GTPBP1: variants seen among roughly 807,000 people sequenced by gnomAD.
GTPBP1 encodes GTP binding protein 1.
A neutral mutation model predicts 62.0 loss-of-function variants in GTPBP1; 23 were observed. The observed-to-expected ratio is 0.37, with a 90% confidence interval of 0.27 to 0.53. The LOEUF is 0.53. Ranked by LOEUF, GTPBP1 falls within the 20% of genes least tolerant of loss-of-function variation. GTPBP1 has a pLI of 0.89. For missense variants in GTPBP1, 640 were observed against 917.3 expected (o/e 0.70, Z 3.90); for synonymous variants, 344 against 364.4 (o/e 0.94, Z 0.64).
chr22:38,719,681 C>G (rs1047700490), intron 4 of GTPBP1, among the ~76,000 whole-genome samples: 20 of 151,512 alleles, frequency 1.3e-4, no homozygotes, highest in African/African-American at 4.6e-4. Flanking sequence ...GTCTTCATCC[C>G]AGACAAAGTC....
rs987312491 is a variant in GTPBP1, at chr22:38,731,596, C to T, written c.*892C>T. On this transcript the variant is annotated 3_prime_UTR_variant, in exon 12 of 12. Coordinates refer to ENST00000216044, the MANE Select transcript of GTPBP1 (RefSeq NM_004286.5). The stretch of plus-strand genomic sequence containing the variant: ...GCCCGGCCTGGAGCCTCCCATCACC[C>T]CGCTTCTTGTTGGGCCTCAGGCACT... 4.7e-4 allele frequency: 72 copies of T among 152,764 alleles called. No homozygotes were observed. The highest frequency in any genetic ancestry group is 1.6e-3 in the African/African-American group (68 of 41,468). 9.5% of individuals were successfully genotyped at this position (152,764 alleles called of 1,614,324 possible). A position where few individuals can be genotyped will look rare whatever the true frequency, so the allele number is the denominator to read the frequency against.
downstream of GTPBP1, chr22:38,739,214 C>A: frequency 9.0e-7 from 1 of 1,111,852 alleles, no homozygotes; most frequent in Non-Finnish European, 1.4e-6. The surrounding 1 kb of genome is among the most constrained non-coding windows in gnomAD (Gnocchi z 6.7). Flanking sequence ...GTCATGGGTA[C>A]TAGGTTGGGT....
chr22:38,716,017 G>A lies in GTPBP1; in HGVS notation c.415G>A (p.Glu139Lys). The change falls in exon 3 of 12, where the codon GAA becomes AAA. Residue 139 changes from glutamate to lysine, a missense_variant. Transcript: ENST00000216044. The surrounding 1 kb of genome is among the most constrained non-coding windows in gnomAD (Gnocchi z 5.2). Reference protein sequence around the residue: ...ADVILLRERQEAGGRVRDYLV... With the variant: ...ADVILLRERQKAGGRVRDYLV... ...TGTCATCCTTCTGCGGGAACGGCAA[G>A]AAGCTGGGGGCCGCGTGCGTGATTA... 1 of 1,614,108 alleles carries A rather than the reference G, an allele frequency of 6.2e-7. No homozygotes were observed. The highest frequency in any genetic ancestry group is 1.1e-5 in the South Asian group (1 of 91,084).
intron 2 of GTPBP1, among the ~76,000 whole-genome samples, chr22:38,710,383 G>A (rs2092631230): frequency 6.6e-6 from 1 of 152,208 alleles, no homozygotes; most frequent in African/African-American, 2.4e-5. Context: ...AATGTTGTAA[G>A]AGTGACATAA....
intron 1 of GTPBP1, 92 bp downstream of exon 1, chr22:38,706,239 C>T (rs1211934069): frequency 1.2e-6 from 1 of 824,440 alleles, no homozygotes; most frequent in Non-Finnish European, 1.6e-6. Flanking sequence ...GCCGCCCTGT[C>T]CGCGGGGAGC....
chr22:38,741,421 A>C, downstream of GTPBP1: 6 of 1,470,010 alleles, frequency 4.1e-6, no homozygotes, highest in Non-Finnish European at 5.7e-6. Context: ...GGAAGGGCCG[A>C]GGGGTCCGAG....
downstream of GTPBP1, among the ~76,000 whole-genome samples, chr22:38,737,247 A>G (rs186695180): frequency 3.6e-4 from 55 of 152,014 alleles, no homozygotes; most frequent in East Asian, 9.7e-3. The surrounding 1 kb of genome is among the most constrained non-coding windows in gnomAD (Gnocchi z 4.1). Flanking sequence ...CGACAGCTCC[A>G]CTGGACTGTT....
chr22:38,737,475 C>T (rs1006646721), downstream of GTPBP1, among the ~76,000 whole-genome samples: 6 of 152,268 alleles, frequency 3.9e-5, no homozygotes, highest in East Asian at 1.9e-4. This position sits in a 1 kb window ranked among gnomAD's most constrained non-coding sequence, Gnocchi z 4.1. Context: ...CTCGCCCCTT[C>T]GAGTCATATA....
intron 2 of GTPBP1, among the ~76,000 whole-genome samples, chr22:38,709,974 A>C (rs1380362256): frequency 6.6e-6 from 1 of 152,238 alleles, no homozygotes; most frequent in Non-Finnish European, 1.5e-5. Flanking sequence ...CCTAGTTAGC[A>C]ACTTCAATAC....
chr22:38,740,568 G>C (rs957904349), downstream of GTPBP1: 29 of 943,244 alleles, frequency 3.1e-5, no homozygotes, highest in Non-Finnish European at 4.2e-5. This position sits in a 1 kb window ranked among gnomAD's most constrained non-coding sequence, Gnocchi z 4.8. Context: ...ACCTGAGAAG[G>C]GGCAAGGCCT....
downstream of GTPBP1, chr22:38,738,526 T>G (rs984143422): frequency 6.3e-7 from 1 of 1,576,758 alleles, no homozygotes; most frequent in Non-Finnish European, 8.7e-7. The surrounding 1 kb of genome is among the most constrained non-coding windows in gnomAD (Gnocchi z 6.6). Context: ...TGATCCTCAG[T>G]AGAGAGGCCC....
intron 2 of GTPBP1, among the ~76,000 whole-genome samples, chr22:38,709,780 G>A (rs1220383742): frequency 6.6e-6 from 1 of 152,190 alleles, no homozygotes; most frequent in East Asian, 1.9e-4. Flanking sequence ...GGATAGCTGG[G>A]ATAACAGAGG....
At chr22:38,707,888 G>A (rs975448443) in intron 1 of GTPBP1, among the ~76,000 whole-genome samples, 3 of 152,226 alleles carry the variant, frequency 2.0e-5, no homozygotes, top group Non-Finnish European at 4.4e-5. Context: ...CAGATTAGAA[G>A]CGAAAGGTTC....
At position 38,730,598 on chromosome 22, in the gene GTPBP1, T is replaced by C. The variant is rs202213259; in HGVS notation, c.1918-14T>C. 6 of 1,574,102 alleles carry C rather than the reference T, an allele frequency of 3.8e-6. No homozygotes were observed. The highest frequency in any genetic ancestry group is 5.2e-6 in the Non-Finnish European group (6 of 1,151,250). On this transcript the variant is annotated splice_polypyrimidine_tract_variant and intron_variant, in intron 11 of 11. Transcript: ENST00000216044. The surrounding 1 kb of genome is among the most constrained non-coding windows in gnomAD (Gnocchi z 5.6). ...ATGGGCCAGTGCTTCTCAAGCTCCT[T>C]CTCTCTCTTTCAGCCTAAGCCCAGC...
intron 6 of GTPBP1, 51 bp downstream of exon 6, chr22:38,724,462 C>G: frequency 9.4e-7 from 1 of 1,061,372 alleles, no homozygotes. Flanking sequence ...CAGGCAGGAC[C>G]ACAGTGAGTG....
chr22:38,726,596 C>G lies in GTPBP1; in HGVS notation c.1401+156C>G, dbSNP rs2092728045. Among the ~76,000 whole-genome samples, 1 of 152,168 alleles carries G rather than the reference C, an allele frequency of 6.6e-6. No homozygotes were observed. Among genetic ancestry groups the G allele is most frequent in the African/African-American group, 2.4e-5 (1 of 41,430 alleles). ...GATGAGGAAACTGAGGCTCAGAGCCCAGGGACTTGCCCAAGACACACAGCT... is the reference window on the plus strand; with the variant it reads ...GATGAGGAAACTGAGGCTCAGAGCCGAGGGACTTGCCCAAGACACACAGCT... On this transcript the variant is annotated intron_variant, in intron 8 of 11. Coordinates refer to ENST00000216044, the MANE Select transcript of GTPBP1 (RefSeq NM_004286.5). The surrounding 1 kb of genome is among the most constrained non-coding windows in gnomAD (Gnocchi z 4.1).
downstream of GTPBP1, chr22:38,738,639 G>A (rs776326441): frequency 9.3e-6 from 15 of 1,614,048 alleles, no homozygotes; most frequent in Non-Finnish European, 1.2e-5. This position sits in a 1 kb window ranked among gnomAD's most constrained non-coding sequence, Gnocchi z 6.6. Context: ...GGGTGACAAG[G>A]CCTTGGGCAC....
chr22:38,726,196 G>A lies in GTPBP1; in HGVS notation c.1218+46G>A, dbSNP rs376478822. The A allele has an allele frequency of 4.4e-6, 7 of 1,609,160 alleles. 1 individual carries two copies. Among genetic ancestry groups the A allele is most frequent in the South Asian group, 1.1e-5 (1 of 90,930 alleles). On this transcript the variant is annotated intron_variant, in intron 7 of 11. Coordinates refer to ENST00000216044, the MANE Select transcript of GTPBP1 (RefSeq NM_004286.5). The surrounding 1 kb of genome is among the most constrained non-coding windows in gnomAD (Gnocchi z 4.1). ...AGCTGGGTGGGCACTTCCTACAGTG[G>A]CATCAGGGGGTGGGTCTGTGCTGGG...
intron 6 of GTPBP1, chr22:38,725,073 C>A (rs570339004): frequency 2.2e-3 from 340 of 152,590 alleles, no homozygotes; most frequent in Middle Eastern, 0.014. Flanking sequence ...TGGTCTATAG[C>A]GCCAGGCCCA....
Sources: allele counts gnomAD v4.1 joint callset (sites outside exome capture counted in the v4.1 genomes callset), GRCh38; gene constraint gnomAD v4.1.1; non-coding constraint Gnocchi (gnomAD v3.1); transcripts MANE v1.5; gene names NCBI Gene and HGNC (gene_info 2026-07-23, HGNC 2026-07-21).